The following PTPRD variants were observed in gnomAD, a reference collection of about 807,000 sequenced individuals.
PTPRD encodes receptor-type tyrosine-protein phosphatase delta.
A neutral mutation model predicts 214.5 loss-of-function variants in PTPRD; 34 were observed. The observed-to-expected ratio is 0.16, with a 90% CI of 0.12 to 0.21. The LOEUF (loss-of-function observed/expected upper bound fraction) is 0.21, where lower values mean the gene tolerates loss of function less well. Among genes scored for constraint, PTPRD ranks in the 10% least tolerant of loss-of-function variants. The pLI is 1.00. For synonymous variants in PTPRD, 1,128 were observed against 845.7 expected, an observed-to-expected ratio of 1.33 and a Z score of -5.79; for missense variants, 2,545 against 2,398.7, an observed-to-expected ratio of 1.06 and a Z score of -1.27.
At chr9:8,650,236 A>C (rs945202287) in intron 12 of PTPRD, among the ~76,000 whole-genome samples, 1 of 151,422 alleles carries the variant, frequency 6.6e-6, no homozygotes, top group Non-Finnish European at 1.5e-5. Flanking sequence ...ATTAATAAGA[A>C]TGTGGATATG....
intron 11 of PTPRD, chr9:8,962,107 A>G (rs2099161668): frequency 6.6e-6 from 1 of 152,168 alleles, no homozygotes; most frequent in South Asian, 2.1e-4. Context: ...TAATGCATTT[A>G]ACAAACTTTT....
At chr9:8,392,389 G>C (rs1303827088) in intron 36 of PTPRD, among the ~76,000 whole-genome samples, 2 of 151,944 alleles carry the variant, frequency 1.3e-5, no homozygotes, top group Non-Finnish European at 2.9e-5. Flanking sequence ...GGCTGGATAT[G>C]GTCATGCACG....
chr9:9,970,771 G>A (rs2095053872), intron 4 of PTPRD, among the ~76,000 whole-genome samples: 1 of 152,142 alleles, frequency 6.6e-6, no homozygotes, highest in Admixed American at 6.5e-5. Flanking sequence ...AGCTTCTGGA[G>A]TATCAGTATC....
chr9:9,977,525 C>A (rs1268830798), intron 4 of PTPRD, among the ~76,000 whole-genome samples: 1 of 152,070 alleles, frequency 6.6e-6, no homozygotes, highest in Non-Finnish European at 1.5e-5. Context: ...GACATTAACA[C>A]TATGAAACAA....
intron 9 of PTPRD, among the ~76,000 whole-genome samples, chr9:9,258,712 G>A (rs774978135): frequency 7.9e-5 from 12 of 151,830 alleles, no homozygotes; most frequent in Non-Finnish European, 1.5e-4. Flanking sequence ...ACTGCTTTTA[G>A]TAGAGGGTTT....
intron 9 of PTPRD, among the ~76,000 whole-genome samples, chr9:9,274,359 C>T (rs1327198149): frequency 1.3e-5 from 2 of 151,392 alleles, no homozygotes; most frequent in Admixed American, 6.6e-5. Context: ...CGTCTTTCTC[C>T]ACCCACAACT....
At position 9,602,265 on chromosome 9, in the gene PTPRD, T is replaced by C. The variant is rs7046633; in HGVS notation, c.-286-27484A>G. On this transcript the variant is annotated intron_variant, in intron 7 of 45. Transcript: ENST00000381196. ...AAAAAATATACATGATAAAATGCAT[T>C]ATACAAATGATTTAGGCATTTTAGG... 7.0e-4 allele frequency among the ~76,000 whole-genome samples: 106 copies of C among 152,084 alleles called. 3 individuals carry two copies. The South Asian group carries it at 0.022, about 31-fold the overall frequency.
chr9:9,856,409 T>A (rs2061564942), intron 5 of PTPRD, among the ~76,000 whole-genome samples: 1 of 152,126 alleles, frequency 6.6e-6, no homozygotes, highest in Non-Finnish European at 1.5e-5. Flanking sequence ...GACCCATCCT[T>A]TTCTGCCTAG....
At chr9:9,303,858 T>C (rs1477541197) in intron 9 of PTPRD, among the ~76,000 whole-genome samples, 2 of 152,146 alleles carry the variant, frequency 1.3e-5, no homozygotes, top group African/African-American at 4.8e-5. Context: ...TTGTAGATTA[T>C]CTCCTAAACA....
intron 2 of PTPRD, among the ~76,000 whole-genome samples, chr9:10,439,081 C>T (rs2098741691): frequency 6.6e-6 from 1 of 151,812 alleles, no homozygotes; most frequent in Non-Finnish European, 1.5e-5. Context: ...TGGAGCTTAC[C>T]TTCACTTGCC....
intron 11 of PTPRD, among the ~76,000 whole-genome samples, chr9:8,781,802 G>A (rs781172257): frequency 3.3e-5 from 5 of 152,112 alleles, no homozygotes; most frequent in Non-Finnish European, 7.4e-5. Context: ...AACAAGTTTA[G>A]TGTCTTCTCT....
intron 10 of PTPRD, among the ~76,000 whole-genome samples, chr9:9,153,819 A>G (rs2099878910): frequency 1.3e-5 from 2 of 152,162 alleles, no homozygotes; most frequent in South Asian, 4.1e-4. Flanking sequence ...GAGGAGACAT[A>G]AATTTGTCTC....
chr9:9,695,546 T>C (rs189903953), intron 7 of PTPRD, among the ~76,000 whole-genome samples: 3 of 152,182 alleles, frequency 2.0e-5, no homozygotes, highest in Non-Finnish European at 4.4e-5. Flanking sequence ...CCTAATCATA[T>C]ATGGCATTTA....
chr9:10,370,595 G>C (rs971794397), intron 2 of PTPRD, among the ~76,000 whole-genome samples: 1 of 151,850 alleles, frequency 6.6e-6, no homozygotes, highest in African/African-American at 2.4e-5. Flanking sequence ...AATACATTTT[G>C]AATTGAAGTC....
intron 9 of PTPRD, among the ~76,000 whole-genome samples, chr9:9,256,451 A>G (rs1366896084): frequency 6.8e-6 from 1 of 147,808 alleles, no homozygotes; most frequent in Non-Finnish European, 1.5e-5. Flanking sequence ...TCCCTTCCTC[A>G]TGATTTGAAT....
At chr9:8,846,598 C>G (rs927144419) in intron 11 of PTPRD, among the ~76,000 whole-genome samples, 2 of 151,914 alleles carry the variant, frequency 1.3e-5, no homozygotes, top group African/African-American at 4.8e-5. Context: ...AAAAATCAGG[C>G]AAAAATGGAA....
Position 8,511,180 on chromosome 9 carries a change from C to A in PTPRD, c.1544-3746G>T, listed in dbSNP as rs1243539969. On this transcript the variant is annotated intron_variant, in intron 21 of 45. Transcript: ENST00000381196. ...ACCTCCAGGTCTCAAGTGCTCCTTC[C>A]ACCTCAGCCCCCTGAGTAGCTGAGA... Among the ~76,000 whole-genome samples the A allele has an allele frequency of 6.6e-5, 10 of 152,106 alleles. No individual in the cohort carries two copies. The East Asian group carries it at 1.9e-3, about 29-fold the overall frequency.
intron 26 of PTPRD, among the ~76,000 whole-genome samples, chr9:8,494,553 T>C (rs867761984): frequency 1.3e-5 from 2 of 152,216 alleles, no homozygotes; most frequent in African/African-American, 2.4e-5. Flanking sequence ...TCCCCTCACA[T>C]GCCACTGGAG....
chr9:8,768,233 T>G (rs2094914070), intron 11 of PTPRD, among the ~76,000 whole-genome samples: 1 of 152,036 alleles, frequency 6.6e-6, no homozygotes, highest in African/African-American at 2.4e-5. Flanking sequence ...CCATCTTGAT[T>G]AAAAAAATTA....
Sources: gnomAD v4.1 joint callset for allele counts (sites outside exome capture counted in the v4.1 genomes callset) on GRCh38, gnomAD v4.1.1 for gene constraint, MANE v1.5 for transcripts, NCBI Gene and HGNC (gene_info 2026-07-23, HGNC 2026-07-21) for gene names.